The following PTPRG variants were observed in gnomAD, a reference collection of about 807,000 sequenced individuals.
PTPRG encodes the protein receptor-type tyrosine-protein phosphatase gamma.
In PTPRG, 102 loss-of-function variants were observed where a neutral mutation model predicts 165.3. That is an observed-to-expected ratio of 0.62 (90% CI 0.53 to 0.73). The LOEUF (loss-of-function observed/expected upper bound fraction) is 0.73, where lower values mean the gene tolerates loss of function less well. Among genes scored for constraint, PTPRG ranks in the 30% least tolerant of loss-of-function variants. PTPRG has a pLI of 0.00. For missense variants in PTPRG, 1,866 were observed against 1,861.4 expected, an observed-to-expected ratio of 1.00 and a Z score of -0.05; for synonymous variants, 675 against 669.5, an observed-to-expected ratio of 1.01 and a Z score of -0.13.
chr3:61,597,467 A>C (rs1466434045), intron 1 of PTPRG, among the ~76,000 whole-genome samples: 3 of 152,198 alleles, frequency 2.0e-5, no homozygotes, highest in Non-Finnish European at 4.4e-5. Flanking sequence ...GATGGAAATA[A>C]ATGGTATAGA....
At chr3:61,841,574 C>T (rs761503067) in intron 2 of PTPRG, among the ~76,000 whole-genome samples, 10 of 151,926 alleles carry the variant, frequency 6.6e-5, no homozygotes, top group South Asian at 2.1e-4. Context: ...ACTTAGCCCT[C>T]GTCCACCACC....
At chr3:61,601,369 C>G (rs953735974) in intron 1 of PTPRG, among the ~76,000 whole-genome samples, 2 of 152,208 alleles carry the variant, frequency 1.3e-5, no homozygotes, top group Non-Finnish European at 1.5e-5. Flanking sequence ...ATCCAGAACA[C>G]ACTTTGGGAA....
At chr3:61,797,595 C>T (rs1446824453) in intron 2 of PTPRG, among the ~76,000 whole-genome samples, 2 of 149,516 alleles carry the variant, frequency 1.3e-5, no homozygotes, top group African/African-American at 4.9e-5. Flanking sequence ...CCCCCCACCC[C>T]CCCACCTCCC....
chr3:62,056,897 G>T (rs1700652815), intron 4 of PTPRG, among the ~76,000 whole-genome samples: 1 of 152,174 alleles, frequency 6.6e-6, no homozygotes, highest in South Asian at 2.1e-4. Flanking sequence ...GAGGCTCTAT[G>T]TCATTCATGG....
intron 2 of PTPRG, among the ~76,000 whole-genome samples, chr3:61,819,867 T>C (rs961955691): frequency 1.3e-4 from 20 of 152,180 alleles, no homozygotes; most frequent in Admixed American, 5.9e-4. Flanking sequence ...ATGGCCCTTA[T>C]TTGGATCCTG....
intron 2 of PTPRG, among the ~76,000 whole-genome samples, chr3:61,777,524 C>T (rs1247745323): frequency 6.6e-6 from 1 of 152,142 alleles, no homozygotes. Flanking sequence ...ACAACTGTCA[C>T]GGTACTGCAG....
Position 62,173,821 on chromosome 3 carries a change from A to C in PTPRG, c.1033+5658A>C, listed in dbSNP as rs1199554236. Among the ~76,000 whole-genome samples the C allele has an allele frequency of 2.0e-5, 3 of 152,314 alleles. No individual in the cohort carries two copies. In the East Asian group the frequency reaches 5.8e-4, roughly 29 times the overall value. On this transcript the variant is annotated intron_variant, in intron 8 of 29. Transcript: ENST00000474889. ...TGTGTTCATGCACCCATATTTTATC[A>C]GGATGATTGGACGTCCTGGAATAGA...
intron 26 of PTPRG, among the ~76,000 whole-genome samples, chr3:62,278,012 A>G (rs1035441409): frequency 1.3e-5 from 2 of 152,114 alleles, no homozygotes; most frequent in Non-Finnish European, 2.9e-5. Context: ...ACTTTTGAAA[A>G]GTAAATAATT....
chr3:61,655,694 CTCCTGGGCTCAA>C (rs1449849577), intron 1 of PTPRG, among the ~76,000 whole-genome samples: 2 of 152,168 alleles, frequency 1.3e-5, no homozygotes, highest in Non-Finnish European at 2.9e-5. Flanking sequence ...TCCTGGCTCA[CTCCTGGGCTCAA>C]GTGATCCTCC....
intron 1 of PTPRG, among the ~76,000 whole-genome samples, chr3:61,673,415 C>A (rs929411374): frequency 1.3e-5 from 2 of 152,122 alleles, no homozygotes. Flanking sequence ...CAAAGTGGGG[C>A]TCTCATTGAG....
chr3:61,709,904 G>A (rs1298537428), intron 1 of PTPRG, among the ~76,000 whole-genome samples: 1 of 152,140 alleles, frequency 6.6e-6, no homozygotes, highest in Non-Finnish European at 1.5e-5. Context: ...ATAGATTGCT[G>A]GGCCTTATTC....
At chr3:61,808,919 C>T (rs1254952016) in intron 2 of PTPRG, among the ~76,000 whole-genome samples, 1 of 150,344 alleles carries the variant, frequency 6.7e-6, no homozygotes, top group African/African-American at 2.5e-5. Flanking sequence ...TGTAGTATAC[C>T]ATTAAAATTT....
At chr3:62,234,136 A>T (rs896092012) in intron 14 of PTPRG, among the ~76,000 whole-genome samples, 1 of 152,186 alleles carries the variant, frequency 6.6e-6, no homozygotes, top group African/African-American at 2.4e-5. Context: ...CTCACTTAAC[A>T]CACGATTTCC....
intron 2 of PTPRG, among the ~76,000 whole-genome samples, chr3:61,855,861 A>T (rs1407777056): frequency 6.6e-6 from 1 of 151,978 alleles, no homozygotes; most frequent in African/African-American, 2.4e-5. Flanking sequence ...TAAACCAAGG[A>T]AGTGTGGAGC....
intron 6 of PTPRG, among the ~76,000 whole-genome samples, chr3:62,133,758 G>C (rs1476740747): frequency 1.3e-5 from 2 of 152,154 alleles, no homozygotes; most frequent in East Asian, 1.9e-4. Flanking sequence ...GCCGAAGTGG[G>C]TGGATCACCT....
At chr3:61,901,724 C>G (rs1208025955) in intron 2 of PTPRG, among the ~76,000 whole-genome samples, 1 of 152,178 alleles carries the variant, frequency 6.6e-6, no homozygotes. Flanking sequence ...AGCCAATTTG[C>G]CAACTGCTTT....
intron 2 of PTPRG, among the ~76,000 whole-genome samples, chr3:61,871,163 GTGTTA>G (rs201503322): frequency 0.12 from 13,523 of 114,616 alleles, 1,089 homozygotes; most frequent in Non-Finnish European, 0.14. Context: ...GTGTTGTGTT[GTGTTA>G]TGTTATGTTA....
chr3:62,017,636 G>A (rs2041581309), intron 4 of PTPRG, among the ~76,000 whole-genome samples: 1 of 150,924 alleles, frequency 6.6e-6, no homozygotes, highest in East Asian at 2.0e-4. Flanking sequence ...GTGTTAGCCA[G>A]GATGGTCTCG....
Position 61,617,089 on chromosome 3 carries a change from A to G in PTPRG, c.85+54717A>G, listed in dbSNP as rs151137339. On this transcript the variant is annotated intron_variant, in intron 1 of 29. Coordinates refer to ENST00000474889, the MANE Select transcript of PTPRG (RefSeq NM_002841.4). ...CCCTGCCCTTGGTATTTGAGGGACA[A>G]TGTTATAAAAGATTTCACTCTTGAA... Among the ~76,000 whole-genome samples the G allele has an allele frequency of 1.7e-3, 262 of 152,314 alleles. 3 individuals are homozygous for G. The highest frequency in any genetic ancestry group is 6.1e-3 in the African/African-American group (252 of 41,570).
Sources: allele counts gnomAD v4.1 joint callset (sites outside exome capture counted in the v4.1 genomes callset), GRCh38; gene constraint gnomAD v4.1.1; transcripts MANE v1.5; gene names NCBI Gene and HGNC (gene_info 2026-07-23, HGNC 2026-07-21).